The following CFHR4 variants were observed in gnomAD, a reference collection of about 807,000 sequenced individuals.
CFHR4 encodes the protein complement factor H-related protein 4.
A neutral mutation model predicts 69.3 loss-of-function variants in CFHR4; 64 were observed. The observed-to-expected ratio is 0.92, with a 90% CI of 0.76 to 1.14. CFHR4 has a LOEUF of 1.14. Among genes scored for constraint, CFHR4 ranks in the 50% most tolerant of loss-of-function variants. The pLI, the probability that CFHR4 is intolerant of heterozygous loss-of-function variation, is 0.00. For synonymous variants in CFHR4, 244 were observed against 237.0 expected, an observed-to-expected ratio of 1.03 and a Z score of -0.27; for missense variants, 636 against 684.9, an observed-to-expected ratio of 0.93 and a Z score of 0.80.
chr1:196,890,202 C>T (rs1004419973), intron 1 of CFHR4, among the ~76,000 whole-genome samples: 12 of 151,540 alleles, frequency 7.9e-5, no homozygotes, highest in Middle Eastern at 3.4e-3. Flanking sequence ...GTATTGTCTT[C>T]GCTGAGTTTT....
intron 1 of CFHR4, among the ~76,000 whole-genome samples, chr1:196,894,240 A>C (rs1410620256): frequency 6.6e-6 from 1 of 151,642 alleles, no homozygotes; most frequent in Non-Finnish European, 1.5e-5. Flanking sequence ...TGGAGTTTTA[A>C]ACCAAAGTTA....
intron 7 of CFHR4, among the ~76,000 whole-genome samples, chr1:196,913,814 C>T (rs552204356): frequency 6.6e-6 from 1 of 151,342 alleles, no homozygotes; most frequent in East Asian, 1.9e-4. Flanking sequence ...CTCAAAAATA[C>T]TAGGCTAAGT....
Position 196,898,983 on chromosome 1 carries a change from T to C in CFHR4, c.59-3435T>C, listed in dbSNP as rs186786384. 4.0e-5 allele frequency among the ~76,000 whole-genome samples: 6 copies of C among 151,680 alleles called. No individual in the cohort carries two copies. The East Asian group carries it at 1.2e-3, about 29-fold the overall frequency. ...GGAAGCCTTCATGTCATTTATCACC[T>C]AGTCACACACTCTCACCTGAGCCAT... is the stretch of plus-strand genomic sequence containing the variant. On this transcript the variant is annotated intron_variant, in intron 1 of 9. Transcript: ENST00000608469.
chr1:196,890,226 C>T (rs1656949431), intron 1 of CFHR4, among the ~76,000 whole-genome samples: 1 of 151,400 alleles, frequency 6.6e-6, no homozygotes, highest in Admixed American at 6.6e-5. Context: ...TAGTTGAATA[C>T]TTTATGTTTA....
At position 196,906,891 on chromosome 1, in the gene CFHR4, C is replaced by T. The variant is rs544868514; in HGVS notation, c.470C>T (p.Ser157Phe). 2.6e-5 allele frequency: 42 copies of T among 1,601,676 alleles called. 1 individual carries two copies. The African/African-American group carries it at 4.6e-4, about 18-fold the overall frequency. The change falls in exon 4 of 10, where the codon TCC becomes TTC. Residue 157 changes from serine (S) to phenylalanine (F), a missense_variant. Transcript: ENST00000608469. ...KFCDMPVFEN[S>F]RAKSNGMWFK... ...TGTGATATGCCTGTTTTTGAGAATT[C>T]CAGAGCCAAGAGTAATGGCATGTGG...
intron 2 of CFHR4, among the ~76,000 whole-genome samples, chr1:196,904,716 T>A (rs1052716912): frequency 7.9e-5 from 12 of 151,580 alleles, no homozygotes; most frequent in African/African-American, 2.9e-4. Context: ...GGTAGCAGTG[T>A]GTACTGTATC....
chr1:196,906,810 T>A, intron 3 of CFHR4, 51 bp from the exon 4 acceptor site: 2 of 1,545,894 alleles, frequency 1.3e-6, no homozygotes, highest in Non-Finnish European at 1.7e-6. Context: ...CTTAGTCGAG[T>A]TGTACATCAT....
intron 1 of CFHR4, among the ~76,000 whole-genome samples, chr1:196,889,518 T>C (rs964090403): frequency 6.6e-6 from 1 of 151,432 alleles, no homozygotes; most frequent in Non-Finnish European, 1.5e-5. Flanking sequence ...ACAAATTCTT[T>C]CTTATTTGAT....
chr1:196,912,847 G>C lies in CFHR4; in HGVS notation c.1105G>C (p.Ala369Pro). The C allele has an allele frequency of 1.9e-6, 3 of 1,611,012 alleles. No individual in the cohort carries two copies. The highest frequency in any genetic ancestry group is 2.5e-6 in the Non-Finnish European group (3 of 1,178,704). The change falls in exon 7 of 10, where the codon GCA (alanine) becomes CCA (proline). Residue 369 changes from alanine to proline, a missense_variant. Physicochemically the swap from Ala to Pro is conservative, Grantham distance 27. Transcript: ENST00000608469. ...EIQYKCKPGY[A>P]TADGNSSGSI... ...ACAATATAAATGTAAACCAGGATAT[G>C]CAACAGCAGATGGAAATTCTTCAGG...
rs566348003 is a variant in CFHR4 at position 196,912,124 on chromosome 1, C to A, written c.998-616C>A. ...AGTAATGTATAGAACACATACATTA[C>A]TAATATATAAAGAACAAATACATTG... On this transcript the variant is annotated intron_variant, in intron 6 of 9. Coordinates refer to ENST00000608469, the MANE Select transcript of CFHR4 (RefSeq NM_001201550.3). Among the ~76,000 whole-genome samples the A allele has an allele frequency of 6.6e-5, 10 of 151,272 alleles. 1 individual carries two copies. In the South Asian group the frequency reaches 2.1e-3, roughly 31 times the overall value.
intron 1 of CFHR4, among the ~76,000 whole-genome samples, chr1:196,894,878 C>T (rs1255241564): frequency 1.3e-5 from 1 of 77,566 alleles, no homozygotes; most frequent in Non-Finnish European, 2.5e-5. Flanking sequence ...ATGGCAAAAC[C>T]CTGTCTCTAA....
At chr1:196,904,722 G>A (rs894046598) in intron 2 of CFHR4, among the ~76,000 whole-genome samples, 2 of 151,472 alleles carry the variant, frequency 1.3e-5, no homozygotes, top group African/African-American at 4.9e-5. Flanking sequence ...AGTGTGTACT[G>A]TATCTTTGCC....
chr1:196,894,810 G>A (rs1056682457), intron 1 of CFHR4, among the ~76,000 whole-genome samples: 2 of 151,194 alleles, frequency 1.3e-5, no homozygotes, highest in African/African-American at 4.9e-5. Context: ...CCAGCACTTT[G>A]GAAGACTGAA....
chr1:196,908,626 A>G (rs1261625777), intron 5 of CFHR4, among the ~76,000 whole-genome samples: 1 of 151,472 alleles, frequency 6.6e-6, no homozygotes, highest in Non-Finnish European at 1.5e-5. Flanking sequence ...AAGAAACACA[A>G]TTCAAAAAAT....
rs2124944431 is a variant in CFHR4, at chr1:196,899,035, A to G, written c.59-3383A>G. Reference sequence around the variant, plus strand: ...TTTATTCTTCAGAAATGAGTCACTAAGTCCAGCACACAACAAGTGGAGGAG... The same window carrying G: ...TTTATTCTTCAGAAATGAGTCACTAGGTCCAGCACACAACAAGTGGAGGAG... On this transcript the variant is annotated intron_variant, in intron 1 of 9. Transcript: ENST00000608469. Among the ~76,000 whole-genome samples the G allele has an allele frequency of 1.3e-5, 2 of 151,786 alleles. 1 individual carries two copies. Among genetic ancestry groups the G allele is most frequent in the East Asian group, 3.9e-4 (2 of 5,166 alleles).
Position 196,914,648 on chromosome 1 carries a change from G to A in CFHR4, c.1334G>A (p.Trp445Ter), listed in dbSNP as rs376896638. 923 of 1,601,398 alleles carry A rather than the reference G, an allele frequency of 5.8e-4. 18 individuals carry two copies. The South Asian group carries it at 9.7e-3, about 17-fold the overall frequency. The change falls in exon 8 of 10, where the codon TGG becomes TAG. Residue 445 changes from tryptophan (W) to a stop codon, truncating the protein, a stop_gained. Transcript: ENST00000608469. LOFTEE classifies it high-confidence loss of function. The stretch of plus-strand genomic sequence containing the variant: ...TCCATAGTGTGTGGTGAAGATGGGT[G>A]GTCCCATTTCCCAACATGTTATAGT... ...TGSIVCGEDG[W>*]SHFPTCYNSS... is the part of the protein sequence containing the mutation.
At chr1:196,899,902 G>T (rs551556906) in intron 1 of CFHR4, among the ~76,000 whole-genome samples, 1 of 151,350 alleles carries the variant, frequency 6.6e-6, no homozygotes, top group African/African-American at 2.4e-5. Context: ...TTATTCTCAG[G>T]CTTCATTACT....
intron 9 of CFHR4, among the ~76,000 whole-genome samples, chr1:196,916,944 A>C (rs550409967): frequency 6.6e-6 from 1 of 151,722 alleles, no homozygotes; most frequent in African/African-American, 2.4e-5. Flanking sequence ...GGCATATTAA[A>C]GCAATGAGGA....
At chr1:196,913,615 A>AT (rs201673131) in intron 7 of CFHR4, among the ~76,000 whole-genome samples, 1 of 151,178 alleles carries the variant, frequency 6.6e-6, no homozygotes, top group Non-Finnish European at 1.5e-5. Flanking sequence ...GCAAAAGTTG[A>AT]TTTTTTTTCT....
Sources: gnomAD v4.1 joint callset for allele counts (sites outside exome capture counted in the v4.1 genomes callset) on GRCh38, gnomAD v4.1.1 for gene constraint, MANE v1.5 for transcripts, NCBI Gene and HGNC (gene_info 2026-07-23, HGNC 2026-07-21) for gene names.